KANSL1: variants seen among roughly 807,000 people sequenced by gnomAD.
The protein encoded by KANSL1 is KAT8 regulatory NSL complex subunit 1, also known as MLL1/MLL complex subunit KANSL1.
In KANSL1, 22 loss-of-function variants were observed where a neutral mutation model predicts 103.6. The observed-to-expected ratio is 0.21, with a 90% CI of 0.15 to 0.30. KANSL1 has a LOEUF of 0.30. Among genes scored for constraint, KANSL1 ranks in the 10% least tolerant of loss-of-function variants. The pLI is 1.00. For synonymous variants in KANSL1, 600 were observed against 527.6 expected, an observed-to-expected ratio of 1.14 and a Z score of -1.88; for missense variants, 1,337 against 1,399.8, an observed-to-expected ratio of 0.96 and a Z score of 0.72.
intron 7 of KANSL1, chr17:46,041,652 C>T (rs1050102070): frequency 6.6e-6 from 1 of 152,168 alleles, no homozygotes; most frequent in African/African-American, 2.4e-5. Context: ...AAATTTATCA[C>T]CCAGACAAAT....
chr17:46,204,711 A>T (rs1181527838), intron 1 of KANSL1, among the ~76,000 whole-genome samples: 1 of 152,244 alleles, frequency 6.6e-6, no homozygotes, highest in Non-Finnish European at 1.5e-5. Context: ...AACAAAGCAA[A>T]ATGAATCCAG....
intron 1 of KANSL1, among the ~76,000 whole-genome samples, chr17:46,183,322 A>G (rs893148006): frequency 1.3e-5 from 2 of 152,112 alleles, no homozygotes; most frequent in African/African-American, 4.8e-5. Flanking sequence ...GCTCACACTT[A>G]TAAGCCCAGC....
At chr17:46,175,402 T>G (rs2046475010) in intron 1 of KANSL1, among the ~76,000 whole-genome samples, 1 of 149,444 alleles carries the variant, frequency 6.7e-6, no homozygotes. Flanking sequence ...CAGGCTGGAG[T>G]GCAGTGGCGT....
chr17:46,144,402 A>G, intron 2 of KANSL1, among the ~76,000 whole-genome samples: 1 of 152,240 alleles, frequency 6.6e-6, no homozygotes, highest in East Asian at 1.9e-4. Context: ...TTGCATATTC[A>G]AATTTAAACC....
At chr17:46,191,593 A>G (rs988818689) in intron 1 of KANSL1, among the ~76,000 whole-genome samples, 1 of 152,208 alleles carries the variant, frequency 6.6e-6, no homozygotes, top group African/African-American at 2.4e-5. Context: ...ATCTATAACT[A>G]TATCATGATT....
At chr17:46,049,106 T>C (rs572772867) in intron 7 of KANSL1, among the ~76,000 whole-genome samples, 2 of 139,734 alleles carry the variant, frequency 1.4e-5, no homozygotes, top group African/African-American at 2.8e-5. Context: ...ACTTGGTTGA[T>C]AGGAGTTCCT....
In KANSL1 at chr17:46,069,899, GCTGT is replaced by G. The variant is rs529487088; in HGVS notation, c.1534-2236_1534-2233del. 8.2e-3 allele frequency among the ~76,000 whole-genome samples: 1,236 copies of G among 151,266 alleles called. 2 individuals carry two copies. Among genetic ancestry groups the G allele is most frequent in the Middle Eastern group, 0.02 (6 of 294 alleles). On this transcript the variant is annotated intron_variant, in intron 4 of 14. Transcript: ENST00000432791. ...TACAATGAGTGAACACCGAGAAAAG[GCTGT>G]CTTTTTTGTTGGATATCCTGTACAT... is the stretch of plus-strand genomic sequence containing the variant.
At chr17:46,146,445 C>T (rs1176750468) in intron 2 of KANSL1, among the ~76,000 whole-genome samples, 2 of 152,116 alleles carry the variant, frequency 1.3e-5, no homozygotes, top group South Asian at 2.1e-4. Flanking sequence ...TACACTGATC[C>T]TAAATTGAAA....
intron 2 of KANSL1, chr17:46,170,162 CAAAAA>C (rs1166270923): frequency 2.0e-5 from 3 of 150,956 alleles, no homozygotes; most frequent in Admixed American, 2.0e-4. Context: ...CAAAACAAAA[CAAAAA>C]ACAACAAAAA....
intron 2 of KANSL1, among the ~76,000 whole-genome samples, chr17:46,168,536 G>A (rs1212410385): frequency 2.0e-5 from 3 of 152,164 alleles, no homozygotes; most frequent in Admixed American, 6.5e-5. Context: ...TAGTAGAGAC[G>A]GGGTTTCTCC....
chr17:46,134,944 G>A (rs10221243), intron 2 of KANSL1, among the ~76,000 whole-genome samples: 34,375 of 151,816 alleles, frequency 0.23, 4,461 homozygotes, highest in African/African-American at 0.32. Context: ...TCAAAGTGTA[G>A]GGGGGTCTGG....
Position 46,050,666 on chromosome 17 carries a change from C to G in KANSL1, c.1887G>C (p.Val629=). The G allele has an allele frequency of 6.2e-7, 1 of 1,614,100 alleles. No homozygotes were observed. ...RNSTIRPGCD[V]NPSCALCGSG... Reference sequence around the variant, plus strand: ...AACCACACAGTGCGCAGGAGGGATTCACATCACAGCCAGGGCGGATTGTGC... The same window carrying G: ...AACCACACAGTGCGCAGGAGGGATTGACATCACAGCCAGGGCGGATTGTGC... Residue 629 remains valine, a synonymous_variant, in exon 7 of 15, where the codon GTG becomes GTC. Coordinates refer to ENST00000432791, the MANE Select transcript of KANSL1 (RefSeq NM_015443.4).
chr17:46,152,587 G>A (rs1014376328), intron 2 of KANSL1, among the ~76,000 whole-genome samples: 1 of 145,616 alleles, frequency 6.9e-6, no homozygotes, highest in South Asian at 2.3e-4. Flanking sequence ...CACAAAGGGG[G>A]GGGGGGGATT....
At chr17:46,079,726 C>T (rs550608148) in intron 4 of KANSL1, among the ~76,000 whole-genome samples, 1 of 152,296 alleles carries the variant, frequency 6.6e-6, no homozygotes, top group African/African-American at 2.4e-5. Context: ...CCTGTAATCC[C>T]AGCAGTTTTG....
intron 2 of KANSL1, among the ~76,000 whole-genome samples, chr17:46,130,205 A>AAAAAAAAAAAAAAAAAAAAAAAAAACAC (rs2043791112): frequency 6.6e-6 from 1 of 151,360 alleles, no homozygotes; most frequent in Admixed American, 6.6e-5. Flanking sequence ...AAAAAAAAAA[A>AAAAAAAAAAAAAAAAAAAAAAAAAACAC]AAAGGAATCA....
chr17:46,092,889 T>C (rs2079465730), intron 3 of KANSL1: 1 of 152,178 alleles, frequency 6.6e-6, no homozygotes, highest in Non-Finnish European at 1.5e-5. Context: ...CTGAAATAAT[T>C]TCTTTGTCGT....
At chr17:46,123,331 C>A (rs545615218) in intron 2 of KANSL1, among the ~76,000 whole-genome samples, 1 of 152,126 alleles carries the variant, frequency 6.6e-6, no homozygotes, top group Non-Finnish European at 1.5e-5. Context: ...GAGCCAAGAT[C>A]GTGCCACCAC....
intron 1 of KANSL1, among the ~76,000 whole-genome samples, chr17:46,181,488 G>T (rs2046791082): frequency 6.6e-6 from 1 of 151,840 alleles, no homozygotes; most frequent in Non-Finnish European, 1.5e-5. Flanking sequence ...GGAGTGCGAT[G>T]GCGCGATCTC....
intron 2 of KANSL1, among the ~76,000 whole-genome samples, chr17:46,159,960 A>T (rs569120820): frequency 6.6e-6 from 1 of 152,248 alleles, no homozygotes. Flanking sequence ...GAGTTACAGC[A>T]AACAGCAAAG....
Sources: allele counts gnomAD v4.1 joint callset (sites outside exome capture counted in the v4.1 genomes callset), GRCh38; gene constraint gnomAD v4.1.1; transcripts MANE v1.5; gene names NCBI Gene and HGNC (gene_info 2026-07-23, HGNC 2026-07-21).